Variants in MRPS6 observed in about 807,000 individuals in gnomAD.
MRPS6 encodes the protein mitochondrial ribosomal protein S6.
MRPS6 carries 6 observed loss-of-function variants against 13.1 expected under a neutral mutation model. The ratio of observed to expected loss-of-function variants is 0.46; its 90% confidence interval spans 0.25 to 0.91. The LOEUF is 0.91. MRPS6 is among the 40% of genes least tolerant of loss of function. The pLI is 0.18. For missense variants in MRPS6, 164 were observed against 155.6 expected (o/e 1.05, Z -0.29); for synonymous variants, 61 against 56.5 (o/e 1.08, Z -0.36).
intron 2 of MRPS6, among the ~76,000 whole-genome samples, chr21:34,138,573 A>G (rs939740762): frequency 1.3e-5 from 2 of 151,972 alleles, no homozygotes; most frequent in African/African-American, 2.4e-5. Context: ...GCAGCCAAAA[A>G]ACACATGAAA....
chr21:34,105,957 T>G (rs1979457275), intron 1 of MRPS6: 1 of 993,036 alleles, frequency 1.0e-6, no homozygotes, highest in Non-Finnish European at 1.2e-6. Flanking sequence ...ATTGTAAACA[T>G]GTATGATCTT....
Position 34,083,204 on chromosome 21 carries a change from T to C in MRPS6, c.45+9459T>C, listed in dbSNP as rs77964673. Among the ~76,000 whole-genome samples, 188 of 152,340 alleles carry C rather than the reference T, an allele frequency of 1.2e-3. 1 individual carries two copies. The highest frequency in any genetic ancestry group is 4.1e-3 in the African/African-American group (172 of 41,576). ...GGGTTGCTGTGGATATAATCCAGTT[T>C]GAGAAAATTCTCATTGTGGTGATCA... On this transcript the variant is annotated intron_variant, in intron 1 of 2. Transcript: ENST00000399312.
chr21:34,127,630 A>G lies in MRPS6; in HGVS notation c.185+2150A>G, dbSNP rs138259981. Reference sequence around the variant, plus strand: ...GAAGTTACCCGAATAAAGATTTGGAATTGGGCGATAACGTTTATGTGTCTG... The same window carrying G: ...GAAGTTACCCGAATAAAGATTTGGAGTTGGGCGATAACGTTTATGTGTCTG... On this transcript the variant is annotated intron_variant, in intron 2 of 2. Coordinates refer to ENST00000399312, the MANE Select transcript of MRPS6 (RefSeq NM_032476.4). 9.3e-3 allele frequency among the ~76,000 whole-genome samples: 1,416 copies of G among 152,348 alleles called. 13 individuals carry two copies. The highest frequency in any genetic ancestry group is 0.016 in the Non-Finnish European group (1,091 of 68,034).
intron 1 of MRPS6, among the ~76,000 whole-genome samples, chr21:34,087,925 A>G (rs1978480134): frequency 6.6e-6 from 1 of 152,210 alleles, no homozygotes; most frequent in South Asian, 2.1e-4. Flanking sequence ...TGAGGGAGAA[A>G]GTGAGCAGTC....
At chr21:34,088,076 C>A (rs1018173143) in intron 1 of MRPS6, among the ~76,000 whole-genome samples, 1 of 152,190 alleles carries the variant, frequency 6.6e-6, no homozygotes, top group Non-Finnish European at 1.5e-5. Context: ...TACAACACTT[C>A]ATCCATTAAG....
intron 2 of MRPS6, among the ~76,000 whole-genome samples, chr21:34,134,886 A>G (rs540989488): frequency 6.6e-6 from 1 of 152,352 alleles, no homozygotes; most frequent in South Asian, 2.1e-4. Flanking sequence ...ACTGTAGGCT[A>G]AGCGTTCTGG....
chr21:34,138,271 T>C (rs1980776912), intron 2 of MRPS6, among the ~76,000 whole-genome samples: 2 of 152,180 alleles, frequency 1.3e-5, no homozygotes, highest in Admixed American at 6.5e-5. Context: ...TTAGATCCCA[T>C]TGGTCAATTT....
At chr21:34,092,524 A>G (rs1194260845) in intron 1 of MRPS6, among the ~76,000 whole-genome samples, 2 of 152,208 alleles carry the variant, frequency 1.3e-5, no homozygotes, top group African/African-American at 4.8e-5. Context: ...GAGCGACTTT[A>G]CTAGAGAAGT....
At chr21:34,105,540 A>G (rs1979438950) in intron 1 of MRPS6, 25 of 999,582 alleles carry the variant, frequency 2.5e-5, no homozygotes, top group Non-Finnish European at 2.9e-5. Context: ...TGTTCTTCCC[A>G]GTGTCCTGCT....
intron 1 of MRPS6, chr21:34,105,439 A>C (rs1200556407): frequency 1.0e-6 from 1 of 999,498 alleles, no homozygotes; most frequent in African/African-American, 1.7e-5. Flanking sequence ...TTTATTTTTA[A>C]GCCAAATGTC....
chr21:34,102,967 G>T (rs1979314748), intron 1 of MRPS6: 14 of 999,770 alleles, frequency 1.4e-5, no homozygotes, highest in Non-Finnish European at 1.7e-5. Flanking sequence ...AGTGCTGCTG[G>T]ATAAAAGAGT....
intron 2 of MRPS6, among the ~76,000 whole-genome samples, chr21:34,138,154 G>C (rs1980773204): frequency 6.6e-6 from 1 of 151,062 alleles, no homozygotes; most frequent in Non-Finnish European, 1.5e-5. Context: ...TATCAGAATT[G>C]GTATTTTTGT....
chr21:34,081,661 A>G (rs1989461826), intron 1 of MRPS6, among the ~76,000 whole-genome samples: 1 of 152,166 alleles, frequency 6.6e-6, no homozygotes, highest in Admixed American at 6.5e-5. Flanking sequence ...CCTTCTTTGT[A>G]AAATGGAAGT....
In MRPS6 at chr21:34,073,763, A is replaced by T; in HGVS notation, c.45+18A>T. On this transcript the variant is annotated intron_variant, in intron 1 of 2. Coordinates refer to ENST00000399312, the MANE Select transcript of MRPS6 (RefSeq NM_032476.4). ...TGCAGCGGGTAAGTGACCTTCCCTC[A>T]GAGCCGGTCTTCCCGCGCGGGCGCC... The T allele has an allele frequency of 6.7e-7, 1 of 1,487,886 alleles. No homozygotes were observed. Among genetic ancestry groups the T allele is most frequent in the East Asian group, 2.9e-5 (1 of 34,616 alleles). The allele number at this position is 1,487,886 out of a possible 1,614,324, so 92.2% of individuals were successfully genotyped here.
At chr21:34,084,565 A>G (rs955692969) in intron 1 of MRPS6, among the ~76,000 whole-genome samples, 1 of 152,202 alleles carries the variant, frequency 6.6e-6, no homozygotes, top group Non-Finnish European at 1.5e-5. Context: ...GGATATATAT[A>G]CACACCTACA....
intron 1 of MRPS6, among the ~76,000 whole-genome samples, chr21:34,075,294 T>G (rs2148650257): frequency 6.6e-6 from 1 of 152,366 alleles, no homozygotes; most frequent in Non-Finnish European, 1.5e-5. Flanking sequence ...TTGCTCATTC[T>G]GTAACCCTTT....
chr21:34,103,331 A>AG lies in MRPS6; in HGVS notation c.46-22010_46-22009insG, dbSNP rs201566514. The AG allele has an allele frequency of 3.0e-6, 3 of 994,796 alleles. No homozygotes were observed. In the African/African-American group the frequency reaches 5.3e-5, roughly 17 times the overall value. 61.6% of individuals were successfully genotyped at this position (994,796 alleles called of 1,614,324 possible). A position where few individuals can be genotyped will look rare whatever the true frequency, so the allele number is the denominator to read the frequency against. Reference sequence around the variant, plus strand: ...TGAAGGAAGTAAAAAAAAAAAAAAAACATGCATTACATTGACATACTTTAT... The same window carrying AG: ...TGAAGGAAGTAAAAAAAAAAAAAAAAGCATGCATTACATTGACATACTTTAT... On this transcript the variant is annotated intron_variant, in intron 1 of 2. Transcript: ENST00000399312.
At chr21:34,123,917 C>G (rs911829534) in intron 1 of MRPS6, 1 of 152,104 alleles carries the variant, frequency 6.6e-6, no homozygotes. Flanking sequence ...GGCAGTCTCC[C>G]GATTTTCCTT....
intron 1 of MRPS6, chr21:34,095,230 C>T: frequency 6.2e-7 from 1 of 1,612,874 alleles, no homozygotes; most frequent in South Asian, 1.1e-5. Flanking sequence ...GCAGACATTG[C>T]CATAGTGGCC....
Sources: allele counts gnomAD v4.1 joint callset (sites outside exome capture counted in the v4.1 genomes callset), GRCh38; gene constraint gnomAD v4.1.1; transcripts MANE v1.5; gene names NCBI Gene and HGNC (gene_info 2026-07-23, HGNC 2026-07-21).